CDH12: variants seen among roughly 807,000 people sequenced by gnomAD.
CDH12 encodes cadherin 12, also known as cadherin-12.
CDH12 carries 41 observed loss-of-function variants against 74.1 expected under a neutral mutation model. The ratio of observed to expected loss-of-function variants is 0.55; its 90% CI spans 0.43 to 0.72. The LOEUF is 0.72. CDH12 is among the 30% of genes least tolerant of loss of function. The pLI is 0.00. For synonymous variants in CDH12, 399 were observed against 355.0 expected (o/e 1.12, Z -1.39); for missense variants, 945 against 977.2 (o/e 0.97, Z 0.44).
At chr5:21,864,623 G>A (rs1409716623) in intron 6 of CDH12, among the ~76,000 whole-genome samples, 1 of 152,076 alleles carries the variant, frequency 6.6e-6, no homozygotes, top group Non-Finnish European at 1.5e-5. Context: ...CAGACTAATT[G>A]GTCAGAAAAT....
chr5:22,673,377 T>G (rs996048806), intron 1 of CDH12, among the ~76,000 whole-genome samples: 1 of 152,266 alleles, frequency 6.6e-6, no homozygotes, highest in Middle Eastern at 3.4e-3. Flanking sequence ...ATTTTCTTGG[T>G]TTGTAAAAGA....
intron 3 of CDH12, among the ~76,000 whole-genome samples, chr5:22,344,304 T>C (rs982663246): frequency 4.6e-5 from 7 of 152,196 alleles, no homozygotes; most frequent in African/African-American, 1.7e-4. Context: ...ATATTTTATA[T>C]ACTTTAGAAA....
In CDH12 at chr5:22,752,801, C is replaced by T. The variant is rs528713999; in HGVS notation, c.-523+100257G>A. ...TTTTTAGCCGGGATGGTCTCGATCT[C>T]CTGACCTCGTGATCCGCCCGCCTCG... On this transcript the variant is annotated intron_variant, in intron 1 of 14. Transcript: ENST00000382254. Among the ~76,000 whole-genome samples the T allele has an allele frequency of 2.6e-3, 391 of 151,538 alleles. 4 individuals carry two copies. Among genetic ancestry groups the T allele is most frequent in the African/African-American group, 9.2e-3 (379 of 41,260 alleles).
intron 1 of CDH12, among the ~76,000 whole-genome samples, chr5:22,537,290 AAAAC>A (rs1442329327): frequency 1.3e-5 from 2 of 152,216 alleles, no homozygotes; most frequent in Non-Finnish European, 2.9e-5. Flanking sequence ...TTGAAGAGTG[AAAAC>A]AAACAAATTC....
In CDH12 at chr5:22,278,518, T is replaced by C. The variant is rs188464687; in HGVS notation, c.-332-65875A>G. On this transcript the variant is annotated intron_variant, in intron 3 of 14. Transcript: ENST00000382254. Reference sequence around the variant, plus strand: ...CTGCTGAAAGAGGAATAGGAGAGTGTAAGGCATTTTAGAATTTTCCCAGCC... The same window carrying C: ...CTGCTGAAAGAGGAATAGGAGAGTGCAAGGCATTTTAGAATTTTCCCAGCC... Among the ~76,000 whole-genome samples, 11 of 152,210 alleles carry C rather than the reference T, an allele frequency of 7.2e-5. No homozygotes were observed. The East Asian group carries it at 2.1e-3, about 29-fold the overall frequency.
chr5:21,864,066 A>T (rs976317505), intron 6 of CDH12, among the ~76,000 whole-genome samples: 3 of 152,156 alleles, frequency 2.0e-5, no homozygotes, highest in African/African-American at 7.2e-5. Flanking sequence ...AAAATTAAAA[A>T]ATTGTACATT....
chr5:22,647,530 G>C (rs151265002), intron 1 of CDH12, among the ~76,000 whole-genome samples: 16 of 151,782 alleles, frequency 1.1e-4, no homozygotes, highest in African/African-American at 3.9e-4. Flanking sequence ...TTGCTTATAG[G>C]TGATTTCCTT....
intron 1 of CDH12, among the ~76,000 whole-genome samples, chr5:22,740,614 G>C (rs1176921440): frequency 6.6e-6 from 1 of 151,726 alleles, no homozygotes; most frequent in Admixed American, 6.6e-5. Flanking sequence ...AGTATTTTTA[G>C]GACTGATATA....
At chr5:22,560,226 A>G (rs915692030) in intron 1 of CDH12, among the ~76,000 whole-genome samples, 1 of 152,188 alleles carries the variant, frequency 6.6e-6, no homozygotes, top group African/African-American at 2.4e-5. Flanking sequence ...ATTCTGAAAT[A>G]AGCAATTTCG....
intron 3 of CDH12, among the ~76,000 whole-genome samples, chr5:22,321,481 C>T (rs1159796485): frequency 2.5e-5 from 3 of 119,006 alleles, no homozygotes; most frequent in Non-Finnish European, 5.0e-5. Flanking sequence ...ATATCACACT[C>T]TGGGGACTGT....
At position 21,940,476 on chromosome 5, in the gene CDH12, A is replaced by T. The variant is rs1034690967; in HGVS notation, c.526+34615T>A. 7.2e-5 allele frequency among the ~76,000 whole-genome samples: 11 copies of T among 152,322 alleles called. No individual in the cohort carries two copies. The South Asian group carries it at 8.3e-4, about 11-fold the overall frequency. ...GTCTCCACATGGAAAATTTCTTGTG[A>T]CATGTATTTCTTCTAACTTGTGAAG... On this transcript the variant is annotated intron_variant, in intron 6 of 14. Transcript: ENST00000382254.
chr5:21,752,026 C>G lies in CDH12; in HGVS notation c.2096G>C (p.Cys699Ser). ...IRRDIKPDSLCLPRQRPPMED... is the reference protein window; with the variant it reads ...IRRDIKPDSLSLPRQRPPMED... ...CATGGGTGGTCTCTGACGAGGTAAA[C>G]AGAGAGAGTCTGGTTTTATATCCCT... The change falls in exon 15 of 15, where the codon TGT becomes TCT. Residue 699 changes from cysteine (C) to serine (S), a missense_variant. Around this residue, in one of 3 missense-constraint regions of CDH12, gnomAD observed 791 missense variants for 792.8 expected, o/e 1.00. Transcript: ENST00000382254. 4 of 1,614,082 alleles carry G rather than the reference C, an allele frequency of 2.5e-6. No individual in the cohort carries two copies. Among genetic ancestry groups the G allele is most frequent in the Non-Finnish European group, 3.4e-6 (4 of 1,180,010 alleles).
intron 2 of CDH12, among the ~76,000 whole-genome samples, chr5:22,424,411 T>C (rs1743803789): frequency 6.6e-6 from 1 of 152,210 alleles, no homozygotes. Context: ...GAGAGCTATA[T>C]GGCCCAGTTA....
chr5:21,768,432 A>C (rs1278768328), intron 11 of CDH12, among the ~76,000 whole-genome samples: 1 of 151,928 alleles, frequency 6.6e-6, no homozygotes, highest in Non-Finnish European at 1.5e-5. Flanking sequence ...AGAGAAAAAA[A>C]GGAAAATAAT....
intron 10 of CDH12, among the ~76,000 whole-genome samples, chr5:21,794,278 CT>C (rs955205947): frequency 1.1e-4 from 17 of 151,172 alleles, no homozygotes; most frequent in African/African-American, 3.9e-4. Context: ...TTCTTGTTTG[CT>C]TTTTTTTGTT....
chr5:22,130,796 C>T (rs563262119), intron 4 of CDH12, among the ~76,000 whole-genome samples: 39 of 151,940 alleles, frequency 2.6e-4, no homozygotes, highest in African/African-American at 9.2e-4. Context: ...TTGTATATCC[C>T]CTGCACATTT....
At chr5:22,247,895 A>G (rs1173568638) in intron 3 of CDH12, among the ~76,000 whole-genome samples, 1 of 152,160 alleles carries the variant, frequency 6.6e-6, no homozygotes, top group Non-Finnish European at 1.5e-5. Context: ...CTCAAACCTT[A>G]AACAAACAAA....
chr5:22,326,261 T>G (rs1052556352), intron 3 of CDH12, among the ~76,000 whole-genome samples: 7 of 151,762 alleles, frequency 4.6e-5, no homozygotes, highest in Admixed American at 2.0e-4. Context: ...TTGAGACGGA[T>G]TCTCCCTCTG....
chr5:21,792,055 T>C lies in CDH12; in HGVS notation c.1257-8561A>G, dbSNP rs1282296715. 2.6e-5 allele frequency among the ~76,000 whole-genome samples: 4 copies of C among 151,998 alleles called. 1 individual carries two copies. ...AGAAAATGTTATTTTGTTAAGATAATGATAGTAGATCAAACTGTCTTTACT... is the reference window on the plus strand; with the variant it reads ...AGAAAATGTTATTTTGTTAAGATAACGATAGTAGATCAAACTGTCTTTACT... On this transcript the variant is annotated intron_variant, in intron 10 of 14. Transcript: ENST00000382254.
Sources: allele counts gnomAD v4.1 joint callset (sites outside exome capture counted in the v4.1 genomes callset), GRCh38; gene constraint gnomAD v4.1.1; regional missense constraint gnomAD v4.1.1; transcripts MANE v1.5; gene names NCBI Gene and HGNC (gene_info 2026-07-23, HGNC 2026-07-21).